Variants in ROBO2 observed in about 807,000 individuals in gnomAD.
ROBO2 encodes roundabout guidance receptor 2.
ROBO2 carries 53 observed loss-of-function variants against 160.8 expected under a neutral mutation model. The ratio of observed to expected loss-of-function variants is 0.33; its 90% confidence interval spans 0.26 to 0.41. ROBO2 has a LOEUF of 0.41. Ranked by LOEUF, ROBO2 falls within the 10% of genes least tolerant of loss-of-function variation. The pLI is 1.00. For missense variants in ROBO2, 1,577 were observed against 1,722.4 expected, an observed-to-expected ratio of 0.92 and a Z score of 1.49; for synonymous variants, 664 against 611.7, an observed-to-expected ratio of 1.09 and a Z score of -1.26.
chr3:77,232,013 C>A (rs530881900), intron 2 of ROBO2, among the ~76,000 whole-genome samples: 46 of 152,146 alleles, frequency 3.0e-4, no homozygotes, highest in Non-Finnish European at 5.4e-4. Flanking sequence ...ACTCTAGGTT[C>A]TCTTCCTATC....
At chr3:77,113,907 G>A (rs1029093573) in intron 2 of ROBO2, among the ~76,000 whole-genome samples, 5 of 152,208 alleles carry the variant, frequency 3.3e-5, no homozygotes, top group African/African-American at 1.2e-4. Flanking sequence ...GAAGCTGGCA[G>A]GTTGGAGGAA....
At chr3:77,425,537 A>G (rs1266925481) in intron 2 of ROBO2, among the ~76,000 whole-genome samples, 2 of 152,164 alleles carry the variant, frequency 1.3e-5, no homozygotes, top group Non-Finnish European at 2.9e-5. Flanking sequence ...GGAACTGTAT[A>G]TGCAGTGGTA....
intron 2 of ROBO2, among the ~76,000 whole-genome samples, chr3:76,216,231 G>T (rs572352859): frequency 6.6e-6 from 1 of 152,154 alleles, no homozygotes; most frequent in Non-Finnish European, 1.5e-5. Context: ...GATCGTCGAG[G>T]CTAGGAAGAA....
At chr3:76,364,913 A>G (rs2075725016) in intron 2 of ROBO2, among the ~76,000 whole-genome samples, 1 of 152,092 alleles carries the variant, frequency 6.6e-6, no homozygotes, top group South Asian at 2.1e-4. Flanking sequence ...CTGATTCTAA[A>G]GACTCTCTAC....
intron 2 of ROBO2, among the ~76,000 whole-genome samples, chr3:76,221,217 G>C (rs1703943441): frequency 6.6e-6 from 1 of 152,144 alleles, no homozygotes; most frequent in Non-Finnish European, 1.5e-5. Flanking sequence ...CATGAGCATG[G>C]GAAGCAAAAA....
chr3:76,587,023 TA>T (rs2086085289), intron 2 of ROBO2, among the ~76,000 whole-genome samples: 1 of 152,184 alleles, frequency 6.6e-6, no homozygotes, highest in African/African-American at 2.4e-5. Context: ...TGCTTCTTTT[TA>T]AATTGTTGAG....
At chr3:77,367,795 G>T (rs1306097356) in intron 2 of ROBO2, among the ~76,000 whole-genome samples, 1 of 152,098 alleles carries the variant, frequency 6.6e-6, no homozygotes, top group Non-Finnish European at 1.5e-5. Flanking sequence ...CTCTTAGAAT[G>T]CTAAGATTTG....
At chr3:76,088,619 A>T (rs187465000) in intron 2 of ROBO2, among the ~76,000 whole-genome samples, 15 of 152,208 alleles carry the variant, frequency 9.9e-5, no homozygotes, top group African/African-American at 3.6e-4. Flanking sequence ...TAAATTACCC[A>T]TGGGTCAAAG....
intron 2 of ROBO2, among the ~76,000 whole-genome samples, chr3:77,312,225 TA>T (rs1301944912): frequency 2.6e-5 from 4 of 152,148 alleles, no homozygotes; most frequent in Non-Finnish European, 5.9e-5. Context: ...ACTACATAAA[TA>T]AAAACAGTTA....
At chr3:77,428,603 G>C (rs370426487) in intron 2 of ROBO2, among the ~76,000 whole-genome samples, 4 of 151,616 alleles carry the variant, frequency 2.6e-5, no homozygotes, top group Admixed American at 2.6e-4. Flanking sequence ...TGATCCACCC[G>C]CCTCGGCCTC....
At chr3:75,906,857 T>A (rs1231560445) in exon 1 of ROBO2, 1 of 152,154 alleles carries the variant, frequency 6.6e-6, no homozygotes, top group East Asian at 1.9e-4. Flanking sequence ...CGGGGGGAGC[T>A]GTTCCGCTGC....
chr3:77,172,306 C>G lies in ROBO2; in HGVS notation c.388+73966C>G, dbSNP rs113913151. Among the ~76,000 whole-genome samples, 1,260 of 152,244 alleles carry G rather than the reference C, an allele frequency of 8.3e-3. 20 individuals carry two copies. Among genetic ancestry groups the G allele is most frequent in the African/African-American group, 0.028 (1,159 of 41,552 alleles). ...TCACTGTAGAGATGAAAATAATTGG[C>G]TACCTAATGTTGGTTATCTCCTATC... On this transcript the variant is annotated intron_variant, in intron 2 of 25. Coordinates refer to ENST00000461745, the Ensembl canonical transcript of ROBO2.
chr3:77,564,185 A>C (rs1255542954), intron 11 of ROBO2, among the ~76,000 whole-genome samples: 1 of 152,086 alleles, frequency 6.6e-6, no homozygotes, highest in Admixed American at 6.6e-5. Flanking sequence ...TTATGCGTGG[A>C]CAGTTAAGCA....
At chr3:77,089,378 T>C (rs896704951) in intron 1 of ROBO2, among the ~76,000 whole-genome samples, 4 of 152,164 alleles carry the variant, frequency 2.6e-5, no homozygotes, top group Admixed American at 6.5e-5. Context: ...GAAAGCAAGG[T>C]CACAGAGATG....
At chr3:76,940,089 C>T (rs901792239) in intron 2 of ROBO2, among the ~76,000 whole-genome samples, 2 of 149,582 alleles carry the variant, frequency 1.3e-5, no homozygotes, top group Non-Finnish European at 3.0e-5. Context: ...TCACACCATT[C>T]TCCTGCCTCA....
chr3:77,638,182 T>A (rs533917697), intron 24 of ROBO2, among the ~76,000 whole-genome samples: 4 of 152,354 alleles, frequency 2.6e-5, no homozygotes, highest in African/African-American at 9.6e-5. Flanking sequence ...ATGGTATGGA[T>A]CCATATGTCA....
chr3:76,053,977 A>C (rs73842917), intron 2 of ROBO2, among the ~76,000 whole-genome samples: 3,124 of 152,254 alleles, frequency 0.021, 44 homozygotes, highest in East Asian at 0.081. Flanking sequence ...ACTTTATATA[A>C]CTATTACCAT....
intron 1 of ROBO2, among the ~76,000 whole-genome samples, chr3:75,921,653 G>A (rs375884311): frequency 8.0e-4 from 122 of 152,244 alleles, no homozygotes; most frequent in African/African-American, 2.8e-3. Flanking sequence ...CTATGCAGAT[G>A]TGCATGTACA....
chr3:76,214,514 T>C (rs941555611), intron 2 of ROBO2, among the ~76,000 whole-genome samples: 2 of 152,210 alleles, frequency 1.3e-5, no homozygotes, highest in Admixed American at 6.5e-5. Flanking sequence ...CAGGAGATTA[T>C]ATCCCGCACC....
Sources: gnomAD v4.1 joint callset for allele counts (sites outside exome capture counted in the v4.1 genomes callset) on GRCh38, gnomAD v4.1.1 for gene constraint, MANE v1.5 for transcripts, NCBI Gene and HGNC (gene_info 2026-07-23, HGNC 2026-07-21) for gene names.